GSG1L: variants seen among roughly 807,000 people sequenced by gnomAD.
GSG1L encodes germ cell-specific gene 1-like protein.
GSG1L carries 24 observed loss-of-function variants against 42.1 expected under a neutral mutation model. That is an observed-to-expected ratio of 0.57 (90% CI 0.41 to 0.80). The LOEUF (loss-of-function observed/expected upper bound fraction) is 0.80, where lower values mean the gene tolerates loss of function less well. GSG1L is among the 30% of genes least tolerant of loss of function. GSG1L has a pLI of 0.00. For synonymous variants in GSG1L, 215 were observed against 203.5 expected (o/e 1.06, Z -0.48); for missense variants, 445 against 472.2 (o/e 0.94, Z 0.53).
At position 27,947,716 on chromosome 16, in the gene GSG1L, C is replaced by T. The variant is rs137896791; in HGVS notation, c.397+15440G>A. On this transcript the variant is annotated intron_variant, in intron 2 of 6. Coordinates refer to ENST00000447459, the MANE Select transcript of GSG1L (RefSeq NM_001109763.2). ...GTCAGGGTCGGGCTAAGGGAAGTTGCCCCAGAGACAGGACCCTATTTCTTA... is the reference window on the plus strand; with the variant it reads ...GTCAGGGTCGGGCTAAGGGAAGTTGTCCCAGAGACAGGACCCTATTTCTTA... Among the ~76,000 whole-genome samples, 455 of 152,184 alleles carry T rather than the reference C, an allele frequency of 3.0e-3. 2 individuals are homozygous for T. The highest frequency in any genetic ancestry group is 4.6e-3 in the Non-Finnish European group (316 of 67,994).
chr16:28,014,898 C>A (rs1300079726), intron 1 of GSG1L, among the ~76,000 whole-genome samples: 1 of 152,150 alleles, frequency 6.6e-6, no homozygotes, highest in East Asian at 1.9e-4. Context: ...ATATGCTTGT[C>A]TTGTCCTCTC....
At chr16:27,922,800 T>C (rs1430426965) in intron 2 of GSG1L, among the ~76,000 whole-genome samples, 2 of 152,150 alleles carry the variant, frequency 1.3e-5, no homozygotes, top group Non-Finnish European at 2.9e-5. Flanking sequence ...CATATTTTTG[T>C]AGAGATGGGG....
intron 6 of GSG1L, among the ~76,000 whole-genome samples, chr16:27,791,669 C>T (rs940154653): frequency 2.0e-5 from 3 of 152,050 alleles, no homozygotes; most frequent in African/African-American, 7.3e-5. Context: ...AGTCACCCAC[C>T]AGTTCACCAA....
At chr16:28,022,020 C>T in intron 1 of GSG1L, among the ~76,000 whole-genome samples, 1 of 152,216 alleles carries the variant, frequency 6.6e-6, no homozygotes, top group East Asian at 1.9e-4. Context: ...ACAGAATACA[C>T]TGTGATTCCG....
intron 1 of GSG1L, among the ~76,000 whole-genome samples, chr16:27,996,974 C>T (rs1329712881): frequency 1.3e-5 from 2 of 152,134 alleles, no homozygotes; most frequent in African/African-American, 4.8e-5. Context: ...GTTGGCCAGG[C>T]TGGTCTCGAA....
intron 5 of GSG1L, among the ~76,000 whole-genome samples, chr16:27,827,578 G>A (rs1293292066): frequency 6.6e-6 from 1 of 152,102 alleles, no homozygotes; most frequent in Non-Finnish European, 1.5e-5. Context: ...GAGTGAGGTG[G>A]ATACAGCAGA....
chr16:28,062,995 C>T (rs1369264509), intron 1 of GSG1L, 81 bp downstream of exon 1: 10 of 1,227,618 alleles, frequency 8.1e-6, no homozygotes, highest in East Asian at 7.2e-5. Flanking sequence ...GGAGGGCGAA[C>T]GGGTCCGGGG....
intron 1 of GSG1L, among the ~76,000 whole-genome samples, chr16:28,029,296 G>A (rs1189016506): frequency 6.6e-6 from 1 of 152,234 alleles, no homozygotes; most frequent in African/African-American, 2.4e-5. Context: ...TTATTTATAA[G>A]TGGAATCAGC....
chr16:27,791,525 C>T, intron 6 of GSG1L, 58 bp from the exon 7 acceptor site: 1 of 1,176,200 alleles, frequency 8.5e-7, no homozygotes, highest in Non-Finnish European at 1.1e-6. Context: ...CACATCCTGT[C>T]TACCCACCGC....
intron 3 of GSG1L, chr16:27,850,357 T>G: frequency 5.5e-6 from 2 of 364,744 alleles, no homozygotes; most frequent in Non-Finnish European, 1.1e-5. Flanking sequence ...TAAGCTGGGA[T>G]AGCAAGCAAA....
chr16:27,899,651 A>G (rs938647338), intron 2 of GSG1L, among the ~76,000 whole-genome samples: 1 of 152,172 alleles, frequency 6.6e-6, no homozygotes, highest in African/African-American at 2.4e-5. Flanking sequence ...CGGGAGGTTG[A>G]AGCTACAGTG....
intron 3 of GSG1L, among the ~76,000 whole-genome samples, chr16:27,855,487 A>T (rs2083566488): frequency 6.6e-6 from 1 of 152,124 alleles, no homozygotes; most frequent in African/African-American, 2.4e-5. Flanking sequence ...TGGGAGGCAG[A>T]GGTGCATGGA....
At chr16:27,954,541 C>T (rs1219174272) in intron 2 of GSG1L, among the ~76,000 whole-genome samples, 2 of 152,168 alleles carry the variant, frequency 1.3e-5, no homozygotes, top group Non-Finnish European at 2.9e-5. Context: ...ATGCTGATGG[C>T]TGAGTTTATT....
intron 1 of GSG1L, among the ~76,000 whole-genome samples, chr16:28,019,148 A>T (rs143776341): frequency 3.0e-4 from 46 of 152,274 alleles, no homozygotes; most frequent in African/African-American, 1.1e-3. Context: ...CATTCCCAGG[A>T]AGTTAGGCAT....
chr16:28,003,272 T>A (rs2085599359), intron 1 of GSG1L, among the ~76,000 whole-genome samples: 1 of 152,208 alleles, frequency 6.6e-6, no homozygotes, highest in Non-Finnish European at 1.5e-5. Context: ...TCACAGGAGC[T>A]TGAGAATGGA....
chr16:27,935,360 C>CT (rs2084703471), intron 2 of GSG1L, among the ~76,000 whole-genome samples: 2 of 152,168 alleles, frequency 1.3e-5, no homozygotes. Context: ...GAGGGCTCTG[C>CT]TTGCGTTTTT....
At chr16:27,860,017 GGCAGGTGCTCCCA>G (rs917115028) in intron 3 of GSG1L, among the ~76,000 whole-genome samples, 9 of 129,198 alleles carry the variant, frequency 7.0e-5, no homozygotes, top group African/African-American at 2.4e-4. Flanking sequence ...CTGTGACTCT[GGCAGGTGCTCCCA>G]GCAGGGGCTC....
intron 2 of GSG1L, among the ~76,000 whole-genome samples, chr16:27,936,432 T>C (rs2084718916): frequency 6.6e-6 from 1 of 152,088 alleles, no homozygotes; most frequent in Non-Finnish European, 1.5e-5. Context: ...AGGAGCTGGT[T>C]GTTGAAAAGA....
Position 27,888,475 on chromosome 16 carries a change from TCTCTTTCCTTTCTTTC to T in GSG1L, c.398-3853_398-3838del, listed in dbSNP as rs1567505825. 3.6e-3 allele frequency among the ~76,000 whole-genome samples: 267 copies of T among 73,384 alleles called. 27 individuals are homozygous for T. The highest frequency in any genetic ancestry group is 5.7e-3 in the Non-Finnish European group (185 of 32,548). The allele number at this position is 73,384 out of a possible 152,430, so 48.1% of individuals were successfully genotyped here. On this transcript the variant is annotated intron_variant, in intron 2 of 6. Transcript: ENST00000447459. ...TTCTTTCTTTCTTTCTCTCTCTCTC[TCTCTTTCCTTTCTTTC>T]TTTCTTTCTTTCTTTCTTTCTTTCT... is the stretch of plus-strand genomic sequence containing the variant.
Sources: gnomAD v4.1 joint callset for allele counts (sites outside exome capture counted in the v4.1 genomes callset) on GRCh38, gnomAD v4.1.1 for gene constraint, MANE v1.5 for transcripts, NCBI Gene and HGNC (gene_info 2026-07-23, HGNC 2026-07-21) for gene names.